The following ABI3BP variants were observed in gnomAD, a reference collection of about 807,000 sequenced individuals.
ABI3BP encodes the protein ABI family member 3 binding protein.
A neutral mutation model predicts 268.6 loss-of-function variants in ABI3BP; 216 were observed. The observed-to-expected ratio is 0.80, with a 90% CI of 0.72 to 0.90. ABI3BP has a LOEUF of 0.90. ABI3BP is among the 40% of genes least tolerant of loss of function. The pLI is 0.00. For missense variants in ABI3BP, 2,090 were observed against 2,182.4 expected (o/e 0.96, Z 0.84); for synonymous variants, 730 against 730.0 (o/e 1.00, Z 0.00).
Position 100,795,821 on chromosome 3 carries a change from G to T in ABI3BP, c.3848C>A (p.Pro1283Gln). ...ACCATTACCTATTGTTGTCTTTGGT[G>T]GCTCAAATCTAAAGGTAACAGGCTG... ...VLQPVTFRFE[P>Q]PKTTIAPLET... The change falls in exon 53 of 68, where the codon CCA (proline) becomes CAA (glutamine). Residue 1283 changes from proline to glutamine, a missense_variant. By Grantham distance (76) the Pro-to-Gln change is moderately conservative. Coordinates refer to ENST00000471714, the MANE Select transcript of ABI3BP (RefSeq NM_001375547.2). 7.8e-7 allele frequency: 1 copy of T among 1,287,724 alleles called. No individual in the cohort carries two copies. Among genetic ancestry groups the T allele is most frequent in the South Asian group, 1.2e-5 (1 of 80,836 alleles). 79.8% of individuals were successfully genotyped at this position (1,287,724 alleles called of 1,614,324 possible). A position where few individuals can be genotyped will look rare whatever the true frequency, so the allele number is the denominator to read the frequency against.
At chr3:100,752,284 T>C (rs2095376119) in intron 66 of ABI3BP, among the ~76,000 whole-genome samples, 1 of 152,228 alleles carries the variant, frequency 6.6e-6, no homozygotes, top group Admixed American at 6.5e-5. Context: ...TGTTCAGCAC[T>C]TAGAAGAGTT....
chr3:100,952,366 A>G (rs1440535803), intron 1 of ABI3BP, among the ~76,000 whole-genome samples: 2 of 152,218 alleles, frequency 1.3e-5, no homozygotes, highest in Admixed American at 1.3e-4. Flanking sequence ...CAATGTATAC[A>G]TATTTCAAAA....
intron 1 of ABI3BP, among the ~76,000 whole-genome samples, chr3:100,982,442 T>G (rs183165131): frequency 6.6e-6 from 1 of 152,108 alleles, no homozygotes; most frequent in East Asian, 1.9e-4. Context: ...TATTTCCTTT[T>G]GTTAGAGAAA....
intron 1 of ABI3BP, among the ~76,000 whole-genome samples, chr3:100,979,569 C>T (rs1436661551): frequency 6.6e-6 from 1 of 151,974 alleles, no homozygotes; most frequent in African/African-American, 2.4e-5. Flanking sequence ...ATCTGTGGTC[C>T]CTTTGTGGCC....
At chr3:100,914,550 C>A in intron 2 of ABI3BP, 2 of 400,282 alleles carry the variant, frequency 5.0e-6, no homozygotes, top group East Asian at 7.2e-5. Context: ...CATGTTGGTG[C>A]GGATGTCACA....
chr3:100,867,064 C>T, intron 9 of ABI3BP, 108 bp from the exon 10 acceptor site: 2 of 761,428 alleles, frequency 2.6e-6, no homozygotes, highest in Non-Finnish European at 2.2e-6. Flanking sequence ...CACTCCTTCC[C>T]CACCAGCCAG....
intron 51 of ABI3BP, among the ~76,000 whole-genome samples, chr3:100,798,401 TTTTC>T (rs2097420058): frequency 6.6e-6 from 1 of 152,086 alleles, no homozygotes. Flanking sequence ...TCAAGTTGTT[TTTTC>T]TTTTTTTCCT....
chr3:100,753,856 GAAAT>G lies in ABI3BP; in HGVS notation c.4931-12_4931-9del. 6.2e-7 allele frequency: 1 copy of G among 1,606,432 alleles called. No homozygotes were observed. Among genetic ancestry groups the G allele is most frequent in the Non-Finnish European group, 8.5e-7 (1 of 1,176,492 alleles). On this transcript the variant is annotated splice_polypyrimidine_tract_variant and intron_variant, in intron 64 of 67. Coordinates refer to ENST00000471714, the MANE Select transcript of ABI3BP (RefSeq NM_001375547.2). ...CACTCACTCTTGGGTCCGCTGAGGA[GAAAT>G]AAATAGAAAAGTCAGACCTTACTAG...
At chr3:100,887,148 C>T (rs1388518538) in intron 4 of ABI3BP, among the ~76,000 whole-genome samples, 2 of 151,860 alleles carry the variant, frequency 1.3e-5, no homozygotes, top group African/African-American at 4.8e-5. Flanking sequence ...CTGACTTTTA[C>T]CAGTGGCGGT....
intron 49 of ABI3BP, among the ~76,000 whole-genome samples, 160 bp from the exon 50 acceptor site, chr3:100,808,395 A>G (rs1335950611): frequency 6.6e-6 from 1 of 152,060 alleles, no homozygotes; most frequent in East Asian, 1.9e-4. Context: ...TAACTTTTTT[A>G]TATAACAGAA....
chr3:100,799,970 C>A (rs1057067531), intron 51 of ABI3BP, among the ~76,000 whole-genome samples: 7 of 152,086 alleles, frequency 4.6e-5, no homozygotes, highest in African/African-American at 1.7e-4. Flanking sequence ...CATCTTTATT[C>A]CTCTCTCTAT....
In ABI3BP at chr3:100,884,353, G is replaced by GA. The variant is rs2040876477; in HGVS notation, c.696+1182dup. On this transcript the variant is annotated intron_variant, in intron 6 of 67. Transcript: ENST00000471714. ...TTTGTATTTATATCTGAAATACATT[G>GA]AAATATTTTCCTAGAAATTGTAACA... is the stretch of plus-strand genomic sequence containing the variant. Among the ~76,000 whole-genome samples, 3 of 151,866 alleles carry GA rather than the reference G, an allele frequency of 2.0e-5. No individual in the cohort carries two copies. In the East Asian group the frequency reaches 5.8e-4, roughly 29 times the overall value.
At chr3:100,884,998 TG>T (rs200401154) in intron 6 of ABI3BP, among the ~76,000 whole-genome samples, 4,141 of 151,806 alleles carry the variant, frequency 0.027, 65 homozygotes, top group Non-Finnish European at 0.044. Context: ...AGAAACCGAG[TG>T]GCTGAAGTGA....
At chr3:100,770,463 T>A (rs191522180) in intron 62 of ABI3BP, among the ~76,000 whole-genome samples, 2 of 152,292 alleles carry the variant, frequency 1.3e-5, no homozygotes, top group Admixed American at 6.5e-5. Context: ...AAGACTAGCT[T>A]CTTCTTCATT....
rs371238500 is a variant in ABI3BP at position 100,788,499 on chromosome 3, C to A, written c.4088-697G>T. On this transcript the variant is annotated intron_variant, in intron 56 of 67. Transcript: ENST00000471714. ...GTTCCTCTGTGTGCCTCAGCTTCCT[C>A]AACTGTACCTCACAGGGCACATGGC... 3.9e-5 allele frequency among the ~76,000 whole-genome samples: 6 copies of A among 152,184 alleles called. No individual in the cohort carries two copies. The East Asian group carries it at 9.7e-4, about 25-fold the overall frequency.
chr3:100,988,828 A>G (rs751941882), intron 1 of ABI3BP, among the ~76,000 whole-genome samples: 2 of 152,226 alleles, frequency 1.3e-5, no homozygotes, highest in Non-Finnish European at 2.9e-5. Context: ...CTTTACATAG[A>G]GCAGGGAACT....
chr3:100,857,623 G>C (rs775895761), intron 14 of ABI3BP, among the ~76,000 whole-genome samples: 1 of 152,124 alleles, frequency 6.6e-6, no homozygotes, highest in Non-Finnish European at 1.5e-5. Context: ...AATTTCCTCA[G>C]TTGTAAAGGC....
At chr3:100,758,458 TGG>T (rs2095756648) in intron 63 of ABI3BP, among the ~76,000 whole-genome samples, 1 of 152,174 alleles carries the variant, frequency 6.6e-6, no homozygotes, top group African/African-American at 2.4e-5. Flanking sequence ...TTTCTGTTAT[TGG>T]GGAATTTGAC....
Position 100,959,272 on chromosome 3 carries a change from C to T in ABI3BP, c.80-32791G>A, listed in dbSNP as rs372540821. ...TTGGGAGGCCGAGGCGGGCGGATCA[C>T]GAGGTCAGGAGATCGAGACCATCCT... On this transcript the variant is annotated intron_variant, in intron 1 of 67. Transcript: ENST00000471714. Among the ~76,000 whole-genome samples, 658 of 151,724 alleles carry T rather than the reference C, an allele frequency of 4.3e-3. 3 individuals carry two copies. The highest frequency in any genetic ancestry group is 0.015 in the African/African-American group (609 of 41,348).
Sources: gnomAD v4.1 joint callset for allele counts (sites outside exome capture counted in the v4.1 genomes callset) on GRCh38, gnomAD v4.1.1 for gene constraint, MANE v1.5 for transcripts, NCBI Gene and HGNC (gene_info 2026-07-23, HGNC 2026-07-21) for gene names.